Variants in CTNNA3 observed in about 807,000 individuals in gnomAD.
CTNNA3 encodes the protein catenin alpha-3.
In CTNNA3, 76 loss-of-function variants were observed where a neutral mutation model predicts 95.7. The ratio of observed to expected loss-of-function variants is 0.79; its 90% CI spans 0.66 to 0.96. The LOEUF is 0.96. Among genes scored for constraint, CTNNA3 ranks in the 40% least tolerant of loss-of-function variants. CTNNA3 has a pLI of 0.00. For synonymous variants in CTNNA3, 431 were observed against 374.4 expected, an observed-to-expected ratio of 1.15 and a Z score of -1.74; for missense variants, 1,191 against 1,089.8, an observed-to-expected ratio of 1.09 and a Z score of -1.31.
chr10:66,818,730 G>T (rs1236077851), intron 7 of CTNNA3, among the ~76,000 whole-genome samples: 1 of 144,338 alleles, frequency 6.9e-6, no homozygotes, highest in Non-Finnish European at 1.5e-5. Flanking sequence ...GTGTTTTGTG[G>T]GTTTTTTTCA....
chr10:66,380,625 CTA>C (rs57630837), intron 11 of CTNNA3, among the ~76,000 whole-genome samples: 36 of 122,876 alleles, frequency 2.9e-4, no homozygotes, highest in South Asian at 1.2e-3. Flanking sequence ...ATCTATCTAT[CTA>C]TATATATATA....
At chr10:67,363,783 G>A (rs1843092174) in intron 5 of CTNNA3, among the ~76,000 whole-genome samples, 1 of 152,248 alleles carries the variant, frequency 6.6e-6, no homozygotes, top group Admixed American at 6.5e-5. Context: ...GGAAGAAGTT[G>A]AATCTCTGAC....
At chr10:66,185,191 T>C (rs1228952875) in intron 13 of CTNNA3, among the ~76,000 whole-genome samples, 4 of 152,146 alleles carry the variant, frequency 2.6e-5, no homozygotes, top group African/African-American at 7.2e-5. Context: ...TTATTTACAA[T>C]AGCAATAACA....
At chr10:66,211,983 G>GTTTTTTTTTTTTTTTTT (rs61453326) in intron 13 of CTNNA3, among the ~76,000 whole-genome samples, 1 of 95,012 alleles carries the variant, frequency 1.1e-5, no homozygotes, top group East Asian at 3.4e-4. Context: ...TTGTTTTTGG[G>GTTTTTTTTTTTTTTTTT]TTTTTTTTTT....
intron 15 of CTNNA3, among the ~76,000 whole-genome samples, chr10:66,063,209 T>TATATATATATATAG (rs1554838107): frequency 8.2e-6 from 1 of 121,750 alleles, no homozygotes; most frequent in African/African-American, 3.1e-5. Flanking sequence ...TATATATATA[T>TATATATATATATAG]ATATAGATAT....
At chr10:67,255,694 T>C (rs1417167321) in intron 5 of CTNNA3, among the ~76,000 whole-genome samples, 3 of 152,272 alleles carry the variant, frequency 2.0e-5, no homozygotes, top group East Asian at 3.9e-4. Flanking sequence ...GTATTTTAGC[T>C]CCAGAGCCCA....
At chr10:65,961,700 T>G (rs1187113375) in intron 17 of CTNNA3, among the ~76,000 whole-genome samples, 1 of 152,086 alleles carries the variant, frequency 6.6e-6, no homozygotes, top group African/African-American at 2.4e-5. Flanking sequence ...AATTTATATT[T>G]TGTAGCATAC....
intron 11 of CTNNA3, among the ~76,000 whole-genome samples, chr10:66,457,989 C>A (rs1455262786): frequency 6.6e-6 from 1 of 152,090 alleles, no homozygotes. Flanking sequence ...TCTCATGTTC[C>A]AGGAATATCT....
chr10:67,235,629 A>C (rs1408452278), intron 5 of CTNNA3, among the ~76,000 whole-genome samples: 3 of 142,720 alleles, frequency 2.1e-5, no homozygotes, highest in Non-Finnish European at 4.5e-5. Context: ...TTAAAACACC[A>C]AAAGCAATGG....
At chr10:66,170,840 T>C (rs2085386284) in intron 13 of CTNNA3, among the ~76,000 whole-genome samples, 1 of 151,384 alleles carries the variant, frequency 6.6e-6, no homozygotes, top group Non-Finnish European at 1.5e-5. Flanking sequence ...CTGAAAGAAA[T>C]ATCTAACAAG....
intron 7 of CTNNA3, among the ~76,000 whole-genome samples, chr10:66,887,870 T>C (rs1393438094): frequency 6.6e-6 from 1 of 152,138 alleles, no homozygotes; most frequent in Non-Finnish European, 1.5e-5. Context: ...AGGAGGTTAC[T>C]CTCCCTGGAG....
chr10:66,247,277 G>A (rs1298731054), intron 13 of CTNNA3, among the ~76,000 whole-genome samples: 1 of 152,044 alleles, frequency 6.6e-6, no homozygotes, highest in East Asian at 1.9e-4. Context: ...CAGTAAAATA[G>A]AACATGTGGT....
At chr10:66,838,858 C>T (rs1490504506) in intron 7 of CTNNA3, among the ~76,000 whole-genome samples, 1 of 152,142 alleles carries the variant, frequency 6.6e-6, no homozygotes, top group Admixed American at 6.6e-5. Context: ...AATCTATTAC[C>T]TCAGACTAAT....
intron 3 of CTNNA3, among the ~76,000 whole-genome samples, chr10:67,553,699 A>G (rs992307314): frequency 1.3e-5 from 2 of 152,208 alleles, no homozygotes; most frequent in Non-Finnish European, 2.9e-5. Flanking sequence ...CTCACATTCA[A>G]GAATACAATA....
At chr10:67,025,141 A>G (rs2133087712) in intron 7 of CTNNA3, among the ~76,000 whole-genome samples, 1 of 149,744 alleles carries the variant, frequency 6.7e-6, no homozygotes, top group East Asian at 1.9e-4. Context: ...AAAACAAAAA[A>G]AAAAAAGAAA....
At chr10:66,685,450 G>A (rs1847262164) in intron 9 of CTNNA3, among the ~76,000 whole-genome samples, 1 of 123,446 alleles carries the variant, frequency 8.1e-6, no homozygotes, top group Admixed American at 9.8e-5. Context: ...TCGGTTCACT[G>A]TAAGCTCCAC....
intron 16 of CTNNA3, among the ~76,000 whole-genome samples, chr10:65,967,560 A>G (rs1036575290): frequency 4.6e-5 from 7 of 152,164 alleles, no homozygotes; most frequent in African/African-American, 1.7e-4. Flanking sequence ...GTTACAGACA[A>G]AGGAAATTAT....
intron 13 of CTNNA3, among the ~76,000 whole-genome samples, chr10:66,258,637 G>T (rs2090882191): frequency 6.6e-6 from 1 of 152,060 alleles, no homozygotes. Context: ...TTGAGAGTGA[G>T]CCTAAGATCT....
intron 5 of CTNNA3, among the ~76,000 whole-genome samples, chr10:67,502,370 T>C (rs556892196): frequency 6.6e-6 from 1 of 152,296 alleles, no homozygotes; most frequent in East Asian, 1.9e-4. Flanking sequence ...ACCTGCCAGA[T>C]GCCAGTCAGA....
Sources: allele counts gnomAD v4.1 joint callset (sites outside exome capture counted in the v4.1 genomes callset), GRCh38; gene constraint gnomAD v4.1.1; transcripts MANE v1.5; gene names NCBI Gene and HGNC (gene_info 2026-07-23, HGNC 2026-07-21).